Variants in ANK3 observed in about 807,000 individuals in gnomAD.
ANK3 encodes the protein ankyrin 3.
In ANK3, 57 loss-of-function variants were observed where a neutral mutation model predicts 370.9. The ratio of observed to expected loss-of-function variants is 0.15; its 90% CI spans 0.12 to 0.19. The LOEUF is 0.19. Ranked by LOEUF, ANK3 falls within the 10% of genes least tolerant of loss-of-function variation. The probability of loss-of-function intolerance (pLI) is 1.00; values close to 1 mark genes in which losing one functional copy is unlikely to be tolerated. For missense variants in ANK3, 4,439 were observed against 5,302.1 expected (o/e 0.84, Z 5.06); for synonymous variants, 1,929 against 1,946.3 (o/e 0.99, Z 0.23).
intron 1 of ANK3, among the ~76,000 whole-genome samples, chr10:60,361,230 A>T (rs1437876709): frequency 1.3e-5 from 2 of 152,146 alleles, no homozygotes; most frequent in Non-Finnish European, 2.9e-5. Flanking sequence ...TACCTTTCGA[A>T]TATATTTTCC....
Position 60,149,406 on chromosome 10 carries a change from A to G in ANK3, c.2615-10319T>C, listed in dbSNP as rs999918489. 6.6e-5 allele frequency among the ~76,000 whole-genome samples: 10 copies of G among 152,320 alleles called. No individual in the cohort carries two copies. The South Asian group carries it at 8.3e-4, about 13-fold the overall frequency. ...GAAGCAGGTCAGACTTTTCAGGTAG[A>G]TGGAAGGGACAGACCTGATTTAGGG... On this transcript the variant is annotated intron_variant, in intron 23 of 43. Coordinates refer to ENST00000280772, the MANE Select transcript of ANK3 (RefSeq NM_020987.5).
At chr10:60,138,060 T>C (rs1402461425) in intron 24 of ANK3, among the ~76,000 whole-genome samples, 1 of 151,744 alleles carries the variant, frequency 6.6e-6, no homozygotes, top group Non-Finnish European at 1.5e-5. Context: ...AAATTCCTAC[T>C]AAAAAAAAGA....
intron 1 of ANK3, among the ~76,000 whole-genome samples, chr10:60,635,627 C>A (rs2078543769): frequency 6.6e-6 from 1 of 151,758 alleles, no homozygotes; most frequent in African/African-American, 2.4e-5. Flanking sequence ...AAAACTCAAG[C>A]ACAAGTCCAT....
At chr10:60,392,739 GC>G (rs879934350), upstream of ANK3, among the ~76,000 whole-genome samples, 34 of 152,224 alleles carry the variant, frequency 2.2e-4, no homozygotes, top group Non-Finnish European at 4.4e-4. Flanking sequence ...GACCAGCCTG[GC>G]CAACATGGTG....
intron 1 of ANK3, among the ~76,000 whole-genome samples, chr10:60,708,135 A>G (rs1283628205): frequency 6.6e-6 from 1 of 152,122 alleles, no homozygotes; most frequent in Non-Finnish European, 1.5e-5. Flanking sequence ...CTGTCTCATT[A>G]TCAATTTACC....
intron 23 of ANK3, among the ~76,000 whole-genome samples, chr10:60,149,470 T>TA (rs978312151): frequency 3.3e-5 from 5 of 151,860 alleles, no homozygotes; most frequent in African/African-American, 1.2e-4. Context: ...TTGGGGCAAA[T>TA]AAAAAAAACC....
intron 21 of ANK3, among the ~76,000 whole-genome samples, chr10:60,171,619 T>C (rs763507358): frequency 1.1e-4 from 17 of 152,210 alleles, no homozygotes; most frequent in Non-Finnish European, 2.1e-4. Flanking sequence ...ATATTTGCTT[T>C]TAATTCCAAA....
intron 1 of ANK3, among the ~76,000 whole-genome samples, chr10:60,645,259 TAAA>T (rs2078695288): frequency 6.6e-6 from 1 of 152,190 alleles, no homozygotes; most frequent in Admixed American, 6.5e-5. Context: ...AACATTCTAT[TAAA>T]AAATTATTGA....
chr10:60,715,984 G>A (rs1440032086), intron 1 of ANK3, among the ~76,000 whole-genome samples: 9 of 152,148 alleles, frequency 5.9e-5, no homozygotes, highest in Non-Finnish European at 1.3e-4. Context: ...TCAAGTGGAT[G>A]CCTTTCAGGT....
intron 7 of ANK3, among the ~76,000 whole-genome samples, chr10:60,239,037 A>G (rs1330387396): frequency 1.3e-5 from 2 of 152,178 alleles, no homozygotes; most frequent in African/African-American, 2.4e-5. Context: ...TAGACTTCAC[A>G]CAGTTGAGGC....
chr10:60,439,572 G>A (rs576097584), intron 2 of ANK3, among the ~76,000 whole-genome samples: 1 of 152,244 alleles, frequency 6.6e-6, no homozygotes, highest in East Asian at 1.9e-4. Context: ...ATATGAAGTT[G>A]TGTAAACCGA....
intron 38 of ANK3, 85 bp from the exon 39 acceptor site, chr10:60,064,373 AAG>A: frequency 1.5e-6 from 2 of 1,354,234 alleles, no homozygotes; most frequent in Non-Finnish European, 2.0e-6. Context: ...TTGCCACAAA[AAG>A]AAAAGGGAAT....
chr10:60,537,551 T>C (rs1484289158), intron 2 of ANK3, among the ~76,000 whole-genome samples: 1 of 151,906 alleles, frequency 6.6e-6, no homozygotes, highest in Non-Finnish European at 1.5e-5. Flanking sequence ...TCTTAGTATA[T>C]ATTGCAATAT....
intron 21 of ANK3, among the ~76,000 whole-genome samples, chr10:60,169,388 T>TTA (rs2095716933): frequency 6.7e-6 from 1 of 149,784 alleles, no homozygotes; most frequent in African/African-American, 2.5e-5. Flanking sequence ...TTTTTTTTTT[T>TTA]AATAGACTGG....
rs576543207 is a variant in ANK3 at position 60,070,464 on chromosome 10, C to T, written c.10417G>A (p.Val3473Met). The T allele has an allele frequency of 1.2e-6, 2 of 1,614,042 alleles. No individual in the cohort carries two copies. The highest frequency in any genetic ancestry group is 1.7e-6 in the Non-Finnish European group (2 of 1,180,030). Residue 3473 changes from valine to methionine, a missense_variant, in exon 37 of 44, where the codon GTG becomes ATG. Transcript: ENST00000280772. This position sits in a 1 kb window ranked among gnomAD's most constrained non-coding sequence, Gnocchi z 5.7. ...GGTGGCTTGTCCTCATCTGGTCCCA[C>T]CTTTCCCTCCTCCTCGATAACTTCA... ...KLEVIEEEGK[V>M]GPDEDKPPSK...
At chr10:60,059,559 T>A (rs2079925244) in intron 40 of ANK3, 129 bp from the exon 41 acceptor site, 1 of 1,237,744 alleles carries the variant, frequency 8.1e-7, no homozygotes, top group Non-Finnish European at 1.2e-6. Flanking sequence ...AGATTTGAGT[T>A]TCTCTTCCAT....
At chr10:60,565,834 C>A (rs1357798779) in intron 2 of ANK3, among the ~76,000 whole-genome samples, 1 of 152,194 alleles carries the variant, frequency 6.6e-6, no homozygotes, top group Non-Finnish European at 1.5e-5. Context: ...TTTCTGCCAC[C>A]AATAAAGCCT....
At chr10:60,520,338 G>A (rs1279054347) in intron 2 of ANK3, among the ~76,000 whole-genome samples, 1 of 152,074 alleles carries the variant, frequency 6.6e-6, no homozygotes, top group East Asian at 1.9e-4. Flanking sequence ...CACTACCTGG[G>A]TGATGGGACA....
chr10:60,073,928 T>C lies in ANK3; in HGVS notation c.6953A>G (p.Lys2318Arg), dbSNP rs59021407. Reference sequence around the variant, plus strand: ...CAGTTTGGGTTTCATTTGGTTGTCCTTCTCTGCATGCTGGGCTGAGGTTTC... The same window carrying C: ...CAGTTTGGGTTTCATTTGGTTGTCCCTCTCTGCATGCTGGGCTGAGGTTTC... The part of the protein sequence containing the change: ...AAETSAQHAE[K>R]DNQMKPKLER... The change falls in exon 37 of 44, where the codon AAG becomes AGG. Residue 2318 changes from lysine (K) to arginine (R), a missense_variant. Lys to Arg is a conservative substitution (Grantham distance 26). Around this residue, in one of 13 missense-constraint regions of ANK3, gnomAD observed 1,601 missense variants for 1,731.7 expected, o/e 0.92. Coordinates refer to ENST00000280772, the MANE Select transcript of ANK3 (RefSeq NM_020987.5). 1,370 of 1,614,066 alleles carry C rather than the reference T, an allele frequency of 8.5e-4. 15 individuals carry two copies. The African/African-American group carries it at 0.016, about 19-fold the overall frequency.
Sources: gnomAD v4.1 joint callset for allele counts (sites outside exome capture counted in the v4.1 genomes callset) on GRCh38, gnomAD v4.1.1 for gene constraint, gnomAD v4.1.1 regional missense constraint, Gnocchi (gnomAD v3.1) non-coding constraint, MANE v1.5 for transcripts, NCBI Gene and HGNC (gene_info 2026-07-23, HGNC 2026-07-21) for gene names.